Variants in FBXL2 observed in about 807,000 individuals in gnomAD.
The protein encoded by FBXL2 is F-box/LRR-repeat protein 2.
Under a neutral mutation model 69.2 loss-of-function variants are expected in FBXL2, and 38 were observed. That is an observed-to-expected ratio of 0.55 (90% confidence interval 0.42 to 0.72). The LOEUF (loss-of-function observed/expected upper bound fraction) is 0.72. Among genes scored for constraint, FBXL2 ranks in the 30% least tolerant of loss-of-function variants. The pLI is 0.00. For synonymous variants in FBXL2, 192 were observed against 201.3 expected (o/e 0.95, Z 0.39); for missense variants, 354 against 520.3 (o/e 0.68, Z 3.11).
At chr3:33,340,634 G>A (rs1179493233) in intron 2 of FBXL2, among the ~76,000 whole-genome samples, 2 of 146,852 alleles carry the variant, frequency 1.4e-5, no homozygotes, top group African/African-American at 5.0e-5. Context: ...GCTCATGTCT[G>A]TAATCCTACC....
the FBXL2 span, chr3:33,409,719 C>T: frequency 7.6e-7 from 1 of 1,319,502 alleles, no homozygotes; most frequent in African/African-American, 1.5e-5. Context: ...AAAATAAACT[C>T]ATCACACATA....
At chr3:33,333,585 G>A (rs900225965) in intron 2 of FBXL2, among the ~76,000 whole-genome samples, 6 of 152,202 alleles carry the variant, frequency 3.9e-5, no homozygotes, top group African/African-American at 1.2e-4. Context: ...GGTCTGAAAA[G>A]TCTGAATTTC....
chr3:33,280,737 A>G (rs2033899695), intron 1 of FBXL2, among the ~76,000 whole-genome samples: 1 of 151,602 alleles, frequency 6.6e-6, no homozygotes, highest in African/African-American at 2.4e-5. Flanking sequence ...AAAAAAAGAA[A>G]AGAAAAAAAG....
Position 33,384,176 on chromosome 3 carries a change from C to T in FBXL2, c.1139C>T (p.Thr380Ile), listed in dbSNP as rs2043251814. 2 of 1,614,110 alleles carry T rather than the reference C, an allele frequency of 1.2e-6. No homozygotes were observed. The highest frequency in any genetic ancestry group is 1.7e-6 in the Non-Finnish European group (2 of 1,180,012). The change falls in exon 14 of 15, where the codon ACC becomes ATC. Residue 380 changes from threonine to isoleucine, a missense_variant. Coordinates refer to ENST00000484457, the MANE Select transcript of FBXL2 (RefSeq NM_012157.5). ...RLELYDCQQVTRAGIKRMRAQ... is the reference protein window; with the variant it reads ...RLELYDCQQVIRAGIKRMRAQ... The stretch of plus-strand genomic sequence containing the variant: ...GAGCTGTACGACTGCCAGCAGGTTA[C>T]CCGTGCAGGCATCAAGCGGATGCGG...
At chr3:33,353,470 C>T (rs1419976728) in intron 2 of FBXL2, among the ~76,000 whole-genome samples, 2 of 152,178 alleles carry the variant, frequency 1.3e-5, no homozygotes, top group African/African-American at 4.8e-5. Context: ...GTTATCATGC[C>T]ATGAATAGAC....
At chr3:33,304,695 A>G (rs1461753259) in intron 2 of FBXL2, among the ~76,000 whole-genome samples, 1 of 152,040 alleles carries the variant, frequency 6.6e-6, no homozygotes, top group Non-Finnish European at 1.5e-5. Context: ...CTATACAGAT[A>G]TTTAACTTTA....
chr3:33,383,339 A>G (rs60951440), intron 13 of FBXL2: 10,248 of 152,844 alleles, frequency 0.067, 1,154 homozygotes, highest in African/African-American at 0.23. Flanking sequence ...GTCAGGTCTG[A>G]AACTGTTTTT....
At chr3:33,377,222 A>AT in intron 10 of FBXL2, 51 bp from the exon 11 acceptor site, 1 of 1,527,600 alleles carries the variant, frequency 6.5e-7, no homozygotes, top group Non-Finnish European at 9.1e-7. Context: ...ATGTGTTTCC[A>AT]TTATTAACTA....
downstream of FBXL2, chr3:33,390,044 G>C: frequency 2.5e-6 from 1 of 394,490 alleles, no homozygotes; most frequent in Non-Finnish European, 4.6e-6. Context: ...TCTAGGAACT[G>C]TATTTACTGG....
At chr3:33,281,663 A>G (rs2034023296) in intron 1 of FBXL2, among the ~76,000 whole-genome samples, 1 of 152,164 alleles carries the variant, frequency 6.6e-6, no homozygotes, top group Admixed American at 6.5e-5. Flanking sequence ...TCACACGAAC[A>G]GTGTAAAAGT....
chr3:33,422,316 G>A, the FBXL2 span, among the ~76,000 whole-genome samples: 4 of 152,096 alleles, frequency 2.6e-5, no homozygotes, highest in East Asian at 1.9e-4. Context: ...TGAGGCAGGA[G>A]GACTGCTTGA....
rs201070632 is a variant in FBXL2, at chr3:33,373,569, T to G, written c.456-9T>G. ...ACTGCACATAAGTTTTTGTTTCTTG[T>G]TCTCTCAGTGAGGGCTGCCGAAACC... is the stretch of plus-strand genomic sequence containing the variant. On this transcript the variant is annotated splice_polypyrimidine_tract_variant and intron_variant, in intron 7 of 14. Coordinates refer to ENST00000484457, the MANE Select transcript of FBXL2 (RefSeq NM_012157.5). The G allele has an allele frequency of 8.5e-4, 1,366 of 1,614,164 alleles. 1 individual carries two copies. Among genetic ancestry groups the G allele is most frequent in the Middle Eastern group, 6.3e-3 (38 of 6,056 alleles).
At position 33,393,233 on chromosome 3, in the gene FBXL2, G is replaced by T. The variant is rs2043838392; in HGVS notation, n.1214+7505G>T. 12 of 1,392,616 alleles carry T rather than the reference G, an allele frequency of 8.6e-6. No individual in the cohort carries two copies. In the South Asian group the frequency reaches 1.7e-4, roughly 20 times the overall value. 86.3% of individuals were successfully genotyped at this position (1,392,616 alleles called of 1,614,324 possible). On this transcript the variant is annotated intron_variant and non_coding_transcript_variant, in intron 12 of 12. Coordinates refer to the FBXL2 transcript ENST00000463736. ...ATAAGTATTTTCAAAAGAGGTCACAGAATTTTTCTACAGTTCTACAATTAC... is the reference window on the plus strand; with the variant it reads ...ATAAGTATTTTCAAAAGAGGTCACATAATTTTTCTACAGTTCTACAATTAC...
chr3:33,287,815 C>T (rs1000021124), intron 1 of FBXL2, among the ~76,000 whole-genome samples: 20 of 152,286 alleles, frequency 1.3e-4, no homozygotes, highest in African/African-American at 4.8e-4. Context: ...GTGCCCAGTG[C>T]CTGGCACAAA....
At chr3:33,420,944 A>AT in the FBXL2 span, among the ~76,000 whole-genome samples, 2 of 152,200 alleles carry the variant, frequency 1.3e-5, no homozygotes, top group African/African-American at 4.8e-5. Context: ...TCCAAGTAGA[A>AT]TTTGGTCTCC....
At chr3:33,385,374 T>C (rs1227834476) in intron 14 of FBXL2, 127 bp from the exon 15 acceptor site, 17 of 853,478 alleles carry the variant, frequency 2.0e-5, no homozygotes, top group East Asian at 7.3e-5. Context: ...CTCTAATCTA[T>C]AGCATAAATT....
At chr3:33,380,924 G>C (rs595695) in intron 13 of FBXL2, among the ~76,000 whole-genome samples, 150,684 of 152,300 alleles carry the variant, frequency 0.99, 74,557 homozygotes, top group Middle Eastern at 1. Flanking sequence ...CAAGTCTCAA[G>C]TTCTTTGAGC....
At chr3:33,335,174 T>G (rs1448596454) in intron 2 of FBXL2, among the ~76,000 whole-genome samples, 2 of 151,458 alleles carry the variant, frequency 1.3e-5, no homozygotes, top group Non-Finnish European at 2.9e-5. Context: ...AAATTATATA[T>G]ATATTCAAAA....
rs2042402991 is a variant in FBXL2 at position 33,373,159 on chromosome 3, A to G, written c.358A>G (p.Ser120Gly). ...NLNGCTKITD[S>G]TCYSLSRFCS... Reference sequence around the variant, plus strand: ...CAATGGATGCACAAAAATCACTGACAGGTAAGTAATGAAGATTAATTGGTG... The same window carrying G: ...CAATGGATGCACAAAAATCACTGACGGGTAAGTAATGAAGATTAATTGGTG... Residue 120 changes from serine to glycine, a missense_variant and splice_region_variant, in exon 6 of 15, where the codon AGC (serine) becomes GGC (glycine). Physicochemically the swap from Ser to Gly is moderately conservative, Grantham distance 56 (BLOSUM62 0). Transcript: ENST00000484457. 1 of 1,613,956 alleles carries G rather than the reference A, an allele frequency of 6.2e-7. No individual in the cohort carries two copies. The highest frequency in any genetic ancestry group is 8.5e-7 in the Non-Finnish European group (1 of 1,179,752).
Sources: allele counts gnomAD v4.1 joint callset (sites outside exome capture counted in the v4.1 genomes callset), GRCh38; gene constraint gnomAD v4.1.1; transcripts MANE v1.5; gene names NCBI Gene and HGNC (gene_info 2026-07-23, HGNC 2026-07-21).